The following DENND2A variants were observed in gnomAD, a reference collection of about 807,000 sequenced individuals.
DENND2A encodes the protein DENN domain-containing protein 2A.
Under a neutral mutation model 105.3 loss-of-function variants are expected in DENND2A, and 53 were observed. That is an observed-to-expected ratio of 0.50 (90% CI 0.40 to 0.63). The LOEUF is 0.63. Ranked by LOEUF, DENND2A falls within the 30% of genes least tolerant of loss-of-function variation. The pLI is 0.00. For missense variants in DENND2A, 1,138 were observed against 1,279.6 expected (o/e 0.89, Z 1.69); for synonymous variants, 522 against 508.4 (o/e 1.03, Z -0.36).
intron 1 of DENND2A, among the ~76,000 whole-genome samples, chr7:140,626,428 C>CGGTGT (rs1563186806): frequency 1.3e-5 from 2 of 152,164 alleles, no homozygotes; most frequent in African/African-American, 4.8e-5. Context: ...AAGGACCACC[C>CGGTGT]GGTGTGATCT....
intron 12 of DENND2A, among the ~76,000 whole-genome samples, chr7:140,551,391 C>A (rs890247355): frequency 1.3e-5 from 2 of 151,548 alleles, no homozygotes; most frequent in Non-Finnish European, 2.9e-5. Context: ...CGTTGCCATG[C>A]GGGTTCTCTG....
intron 1 of DENND2A, among the ~76,000 whole-genome samples, chr7:140,619,686 G>A (rs1196509845): frequency 6.6e-6 from 1 of 151,876 alleles, no homozygotes; most frequent in African/African-American, 2.4e-5. Context: ...TTTTAGTAGA[G>A]ATGGGGTTTC....
chr7:140,636,945 C>T (rs1396507176), intron 1 of DENND2A, among the ~76,000 whole-genome samples: 2 of 151,992 alleles, frequency 1.3e-5, no homozygotes, highest in African/African-American at 2.4e-5. Flanking sequence ...ATGCAACCTC[C>T]GCCTCCTGGG....
chr7:140,630,619 C>A (rs367544147), intron 1 of DENND2A, among the ~76,000 whole-genome samples: 1 of 151,908 alleles, frequency 6.6e-6, no homozygotes, highest in African/African-American at 2.4e-5. Context: ...CCAAGGCGGG[C>A]GGATCATTTG....
intron 3 of DENND2A, among the ~76,000 whole-genome samples, chr7:140,591,440 G>A (rs1433709099): frequency 2.0e-5 from 3 of 152,130 alleles, no homozygotes; most frequent in Non-Finnish European, 4.4e-5. Flanking sequence ...TCCTATGCAG[G>A]AAGTCTGAAA....
intron 1 of DENND2A, among the ~76,000 whole-genome samples, chr7:140,629,214 C>T (rs1236218389): frequency 5.3e-5 from 8 of 152,094 alleles, no homozygotes; most frequent in Admixed American, 2.6e-4. Context: ...TGTGCAGGAG[C>T]GCCATTAGAG....
chr7:140,581,151 G>A (rs1258005966), intron 5 of DENND2A, among the ~76,000 whole-genome samples: 1 of 151,972 alleles, frequency 6.6e-6, no homozygotes, highest in Non-Finnish European at 1.5e-5. Context: ...TGTAATCTCA[G>A]CTAGTCAGAG....
chr7:140,542,567 T>C (rs200792435), intron 14 of DENND2A, among the ~76,000 whole-genome samples: 62 of 57,432 alleles, frequency 1.1e-3, no homozygotes, highest in African/African-American at 5.3e-3. Flanking sequence ...TTCTCTCTCT[T>C]TTTTTTTTTT....
Position 140,567,184 on chromosome 7 carries a change from C to G in DENND2A, c.1681G>C (p.Glu561Gln). Residue 561 changes from glutamate to glutamine, a missense_variant, in exon 9 of 20, where the codon GAG (glutamate) becomes CAG (glutamine). Glu to Gln is a conservative substitution (Grantham distance 29, BLOSUM62 2). Transcript: ENST00000496613. ...ACAAAGTACTCGAAGAGCTGCCTCT[C>G]CTGGTACTCGATGAGTTCCCGGGCA... ...SLARELIEYQERQLFEYFVVV... is the reference protein window; with the variant it reads ...SLARELIEYQQRQLFEYFVVV... The G allele has an allele frequency of 6.2e-7, 1 of 1,613,940 alleles. No individual in the cohort carries two copies. The highest frequency in any genetic ancestry group is 8.5e-7 in the Non-Finnish European group (1 of 1,179,956).
Position 140,640,509 on chromosome 7 carries a change from C to T in DENND2A, c.-253G>A, listed in dbSNP as rs1801162100. On this transcript the variant is annotated 5_prime_UTR_variant, in exon 1 of 20. Transcript: ENST00000496613. This position sits in a 1 kb window ranked among gnomAD's most constrained non-coding sequence, Gnocchi z 4.9. ...CTGGCCCGGCCCGGCCCTACCTCCCCGCGGGCGGCGGCTCCGCGGGCTCTG... is the reference window on the plus strand; with the variant it reads ...CTGGCCCGGCCCGGCCCTACCTCCCTGCGGGCGGCGGCTCCGCGGGCTCTG... 6.6e-6 allele frequency: 1 copy of T among 151,300 alleles called. No individual in the cohort carries two copies. Among genetic ancestry groups the T allele is most frequent in the South Asian group, 2.0e-4 (1 of 5,042 alleles). The allele number at this position is 151,300 out of a possible 1,614,324, so 9.4% of individuals were successfully genotyped here. A position where few individuals can be genotyped will look rare whatever the true frequency, so the allele number is the denominator to read the frequency against.
intron 14 of DENND2A, among the ~76,000 whole-genome samples, chr7:140,537,940 A>G (rs1358463276): frequency 6.6e-6 from 1 of 152,212 alleles, no homozygotes; most frequent in Admixed American, 6.6e-5. Flanking sequence ...CATCAGGAAA[A>G]TGAAGGCGAG....
chr7:140,579,805 T>G (rs1798459627), intron 5 of DENND2A, among the ~76,000 whole-genome samples: 1 of 152,026 alleles, frequency 6.6e-6, no homozygotes. Flanking sequence ...AAGAAGATCT[T>G]TAAAATACAC....
At chr7:140,639,699 G>C (rs1387110964) in intron 1 of DENND2A, among the ~76,000 whole-genome samples, 1 of 152,120 alleles carries the variant, frequency 6.6e-6, no homozygotes, top group Non-Finnish European at 1.5e-5. Flanking sequence ...TTGGAACCTT[G>C]GGGAAGTCAC....
chr7:140,599,135 G>A (rs768995751), intron 3 of DENND2A, among the ~76,000 whole-genome samples: 8 of 151,912 alleles, frequency 5.3e-5, no homozygotes, highest in East Asian at 1.9e-4. Flanking sequence ...TCAGGGGTTC[G>A]AGACCAGCCT....
At chr7:140,522,721 C>T (rs1309162131) in intron 17 of DENND2A, among the ~76,000 whole-genome samples, 1 of 151,786 alleles carries the variant, frequency 6.6e-6, no homozygotes, top group African/African-American at 2.4e-5. Context: ...GATTCTCCTG[C>T]CTCAGACTCC....
chr7:140,615,091 T>G (rs1310620703), intron 1 of DENND2A, among the ~76,000 whole-genome samples: 4 of 152,172 alleles, frequency 2.6e-5, no homozygotes, highest in African/African-American at 9.7e-5. Flanking sequence ...GGTCTCGAAC[T>G]CCTGGCCTCA....
intron 1 of DENND2A, among the ~76,000 whole-genome samples, chr7:140,631,349 C>T (rs1800726892): frequency 6.6e-6 from 1 of 152,134 alleles, no homozygotes; most frequent in South Asian, 2.1e-4. Flanking sequence ...AAATTGGCAG[C>T]CTGAACCTCG....
intron 15 of DENND2A, 145 bp from the exon 16 acceptor site, chr7:140,525,937 A>G: frequency 1.7e-6 from 1 of 575,040 alleles, no homozygotes; most frequent in South Asian, 3.0e-5. Context: ...TGACATTGCC[A>G]CGGTAGCCAC....
chr7:140,543,156 G>A (rs538628085), intron 14 of DENND2A, among the ~76,000 whole-genome samples: 1 of 143,196 alleles, frequency 7.0e-6, no homozygotes, highest in Non-Finnish European at 1.5e-5. Flanking sequence ...GTCTTGTTCT[G>A]TTGCCCAGGT....
Sources: allele counts gnomAD v4.1 joint callset (sites outside exome capture counted in the v4.1 genomes callset), GRCh38; gene constraint gnomAD v4.1.1; non-coding constraint Gnocchi (gnomAD v3.1); transcripts MANE v1.5; gene names NCBI Gene and HGNC (gene_info 2026-07-23, HGNC 2026-07-21).